EYA3: variants seen among roughly 807,000 people sequenced by gnomAD.
The protein encoded by EYA3 is protein phosphatase EYA3.
In EYA3, 39 loss-of-function variants were observed where a neutral mutation model predicts 80.0. That is an observed-to-expected ratio of 0.49 (90% CI 0.38 to 0.64). The LOEUF (loss-of-function observed/expected upper bound fraction) is 0.64, where lower values mean the gene tolerates loss of function less well. Among genes scored for constraint, EYA3 ranks in the 30% least tolerant of loss-of-function variants. The pLI, the probability that EYA3 is intolerant of heterozygous loss-of-function variation, is 0.00. For missense variants in EYA3, 523 were observed against 676.1 expected (o/e 0.77, Z 2.51); for synonymous variants, 206 against 232.8 (o/e 0.88, Z 1.05).
intron 6 of EYA3, among the ~76,000 whole-genome samples, chr1:28,031,652 G>A (rs1643144932): frequency 1.3e-5 from 2 of 152,276 alleles, no homozygotes; most frequent in Non-Finnish European, 2.9e-5. Context: ...GATTAGTCTG[G>A]TGAGGAACTG....
At position 28,058,029 on chromosome 1, in the gene EYA3, G is replaced by A. The variant is rs1184476236; in HGVS notation, c.-3C>T. On this transcript the variant is annotated 5_prime_UTR_variant, in exon 2 of 18. Transcript: ENST00000373871. Reference sequence around the variant, plus strand: ...GGTAAATCTTGCTCTTCTTCCATGAGGACCAATATTTCTTTATTATACTTA... The same window carrying A: ...GGTAAATCTTGCTCTTCTTCCATGAAGACCAATATTTCTTTATTATACTTA... The A allele has an allele frequency of 1.3e-6, 2 of 1,586,516 alleles. No homozygotes were observed. Among genetic ancestry groups the A allele is most frequent in the Non-Finnish European group, 8.6e-7 (1 of 1,162,664 alleles).
rs1206046333 is a variant in EYA3 at position 27,978,375 on chromosome 1, T to G, written c.1640A>C (p.Gln547Pro). ...ACTATTTTTCTTTACCATGGTTACCTGTTTGGCTGCAATTTCTTCATCTCG... is the reference window on the plus strand; with the variant it reads ...ACTATTTTTCTTTACCATGGTTACCGGTTTGGCTGCAATTTCTTCATCTCG... Reference protein sequence around the residue: ...DGRDEEIAAKQHNMPFWRITN... With the variant: ...DGRDEEIAAKPHNMPFWRITN... Residue 547 changes from glutamine to proline, a missense_variant and splice_region_variant, in exon 17 of 18, where the codon CAG becomes CCG. Physicochemically the swap from Gln to Pro is moderately conservative, Grantham distance 76. Coordinates refer to ENST00000373871, the MANE Select transcript of EYA3 (RefSeq NM_001990.4). 1 of 1,612,432 alleles carries G rather than the reference T, an allele frequency of 6.2e-7. No homozygotes were observed. Among genetic ancestry groups the G allele is most frequent in the East Asian group, 2.2e-5 (1 of 44,862 alleles).
intron 16 of EYA3, among the ~76,000 whole-genome samples, chr1:27,980,072 T>C (rs960035976): frequency 1.3e-5 from 2 of 152,198 alleles, no homozygotes; most frequent in African/African-American, 4.8e-5. Context: ...TTGGGTCTCT[T>C]TTAGTGCTAA....
intron 1 of EYA3, among the ~76,000 whole-genome samples, chr1:28,070,286 T>C (rs1644976764): frequency 1.3e-5 from 2 of 151,554 alleles, no homozygotes; most frequent in Admixed American, 6.6e-5. Flanking sequence ...AGGGGCCGGG[T>C]GCGGTGGCTC....
intron 2 of EYA3, 104 bp downstream of exon 2, chr1:28,057,890 C>T: frequency 1.6e-6 from 1 of 632,012 alleles, no homozygotes; most frequent in East Asian, 3.0e-5. Context: ...GAATCTTTTC[C>T]TTATTTTTAT....
intron 16 of EYA3, among the ~76,000 whole-genome samples, chr1:27,987,388 G>A (rs916282280): frequency 3.9e-5 from 6 of 152,174 alleles, no homozygotes; most frequent in Non-Finnish European, 4.4e-5. Flanking sequence ...CTGCTTCTAA[G>A]CTCTGAACTA....
chr1:28,014,019 C>T (rs186301522), intron 8 of EYA3, among the ~76,000 whole-genome samples: 1 of 152,296 alleles, frequency 6.6e-6, no homozygotes, highest in Admixed American at 6.5e-5. Flanking sequence ...GCCGAGATTG[C>T]ATCACTGCAC....
At chr1:27,976,352 T>G (rs1638927547) in intron 17 of EYA3, among the ~76,000 whole-genome samples, 2 of 152,074 alleles carry the variant, frequency 1.3e-5, no homozygotes, top group East Asian at 1.9e-4. Flanking sequence ...CCCAGCTACT[T>G]GGGAGGCTGA....
At chr1:28,050,202 A>T (rs28706319) in intron 2 of EYA3, among the ~76,000 whole-genome samples, 57,149 of 141,334 alleles carry the variant, frequency 0.4, 11,777 homozygotes, top group African/African-American at 0.51. Context: ...TATTATTATT[A>T]TTTTTTTTGA....
At chr1:27,995,421 GAAAA>G (rs55902170) in intron 13 of EYA3, among the ~76,000 whole-genome samples, 3 of 79,198 alleles carry the variant, frequency 3.8e-5, no homozygotes, top group Non-Finnish European at 5.1e-5. Context: ...ATCTTAAAAG[GAAAA>G]AAAAAAAAAA....
intron 1 of EYA3, among the ~76,000 whole-genome samples, chr1:28,075,822 A>G (rs1485671261): frequency 1.3e-5 from 2 of 152,098 alleles, no homozygotes; most frequent in African/African-American, 4.8e-5. Flanking sequence ...ATTTTTTCCA[A>G]CAATTTGGTC....
intron 6 of EYA3, among the ~76,000 whole-genome samples, chr1:28,030,005 T>G (rs540923536): frequency 6.6e-6 from 1 of 152,256 alleles, no homozygotes; most frequent in South Asian, 2.1e-4. Context: ...ACCAAACACA[T>G]TCCATGTATG....
At chr1:27,995,092 T>C (rs1376079691) in intron 13 of EYA3, among the ~76,000 whole-genome samples, 2 of 152,018 alleles carry the variant, frequency 1.3e-5, no homozygotes, top group African/African-American at 2.4e-5. Flanking sequence ...AAATTAACAA[T>C]AGATTTTCTA....
intron 1 of EYA3, among the ~76,000 whole-genome samples, 156 bp downstream of exon 1, chr1:28,088,368 G>A (rs983714116): frequency 2.0e-5 from 3 of 152,130 alleles, no homozygotes; most frequent in South Asian, 4.1e-4. Flanking sequence ...CGAGGCCAGC[G>A]TGAAGGAAAG....
At chr1:28,060,385 A>G (rs1262675707) in intron 1 of EYA3, among the ~76,000 whole-genome samples, 2 of 152,234 alleles carry the variant, frequency 1.3e-5, no homozygotes, top group African/African-American at 4.8e-5. Context: ...CAAGTTGAAT[A>G]ATGAAGAATC....
chr1:28,005,219 G>C (rs375647374), intron 10 of EYA3, among the ~76,000 whole-genome samples: 2 of 152,104 alleles, frequency 1.3e-5, no homozygotes, highest in Non-Finnish European at 2.9e-5. Flanking sequence ...ACAAAGAAAA[G>C]CCCAAGACAA....
At chr1:28,071,341 T>C (rs973048678) in intron 1 of EYA3, among the ~76,000 whole-genome samples, 4 of 152,234 alleles carry the variant, frequency 2.6e-5, no homozygotes, top group Non-Finnish European at 5.9e-5. Context: ...ACGTAAACTA[T>C]GCCTCAAGAC....
chr1:28,087,901 A>G (rs2148972533), intron 1 of EYA3, among the ~76,000 whole-genome samples: 1 of 152,350 alleles, frequency 6.6e-6, no homozygotes, highest in South Asian at 2.1e-4. Flanking sequence ...AGTTCAGTCT[A>G]ACCCGGCGCC....
intron 2 of EYA3, among the ~76,000 whole-genome samples, chr1:28,057,636 A>T (rs1049476988): frequency 6.6e-5 from 10 of 152,146 alleles, no homozygotes; most frequent in Non-Finnish European, 1.3e-4. Flanking sequence ...ACTACTTTTT[A>T]AAAAATTAAC....
Sources: gnomAD v4.1 joint callset for allele counts (sites outside exome capture counted in the v4.1 genomes callset) on GRCh38, gnomAD v4.1.1 for gene constraint, MANE v1.5 for transcripts, NCBI Gene and HGNC (gene_info 2026-07-23, HGNC 2026-07-21) for gene names.